Variants in TUSC3 observed in about 807,000 individuals in gnomAD.
The protein encoded by TUSC3 is dolichyl-diphosphooligosaccharide--protein glycosyltransferase subunit TUSC3.
TUSC3 carries 45 observed loss-of-function variants against 44.8 expected under a neutral mutation model. That is an observed-to-expected ratio of 1.00 (90% CI 0.79 to 1.29). The LOEUF is 1.29. Ranked by LOEUF, TUSC3 falls within the 50% of genes most tolerant of loss-of-function variation. The pLI, the probability that TUSC3 is intolerant of heterozygous loss-of-function variation, is 0.00. For missense variants in TUSC3, 519 were observed against 437.9 expected, an observed-to-expected ratio of 1.19 and a Z score of -1.65; for synonymous variants, 212 against 152.9, an observed-to-expected ratio of 1.39 and a Z score of -2.85.
intron 2 of TUSC3, among the ~76,000 whole-genome samples, chr8:15,506,297 C>T (rs1053646904): frequency 6.6e-6 from 1 of 152,182 alleles, no homozygotes; most frequent in Non-Finnish European, 1.5e-5. Flanking sequence ...AACTAAATCC[C>T]TCTTTACCAA....
At chr8:15,441,236 G>A (rs566847075) in intron 1 of TUSC3, among the ~76,000 whole-genome samples, 2 of 152,186 alleles carry the variant, frequency 1.3e-5, no homozygotes, top group South Asian at 2.1e-4. Flanking sequence ...ACGAAACCCC[G>A]TCTCTACTGA....
At chr8:15,694,747 G>C (rs1248052390) in intron 6 of TUSC3, among the ~76,000 whole-genome samples, 1 of 152,090 alleles carries the variant, frequency 6.6e-6, no homozygotes, top group Non-Finnish European at 1.5e-5. Context: ...AACTCTGGGG[G>C]GCTGGTTTCA....
intron 1 of TUSC3, among the ~76,000 whole-genome samples, chr8:15,562,618 A>G (rs1264400904): frequency 6.6e-6 from 1 of 151,988 alleles, no homozygotes; most frequent in Non-Finnish European, 1.5e-5. Flanking sequence ...TCTTTTCTGA[A>G]TCTCTGGGTC....
At chr8:15,474,423 G>A (rs1224801128) in intron 1 of TUSC3, among the ~76,000 whole-genome samples, 2 of 152,128 alleles carry the variant, frequency 1.3e-5, no homozygotes, top group Non-Finnish European at 2.9e-5. Flanking sequence ...TTTGGAAACT[G>A]GTGAATGTCC....
At chr8:15,755,204 A>G (rs1389333973) in intron 9 of TUSC3, among the ~76,000 whole-genome samples, 1 of 152,110 alleles carries the variant, frequency 6.6e-6, no homozygotes, top group Non-Finnish European at 1.5e-5. Context: ...TGGGCAAGTT[A>G]CTTAACTTTT....
intron 2 of TUSC3, among the ~76,000 whole-genome samples, chr8:15,649,728 C>T (rs957363122): frequency 5.3e-5 from 8 of 151,916 alleles, no homozygotes; most frequent in African/African-American, 1.9e-4. Flanking sequence ...GTCTAACTTC[C>T]TCTCAAAACT....
intron 6 of TUSC3, among the ~76,000 whole-genome samples, chr8:15,702,669 G>A (rs1488870177): frequency 2.6e-5 from 4 of 152,000 alleles, no homozygotes; most frequent in Non-Finnish European, 1.5e-5. Context: ...TACCTGCAGC[G>A]TTCAAGTTGA....
chr8:15,483,998 T>G, intron 2 of TUSC3, among the ~76,000 whole-genome samples: 1 of 152,152 alleles, frequency 6.6e-6, no homozygotes, highest in Admixed American at 6.5e-5. Flanking sequence ...CTATAAATGT[T>G]GAGGTAATTG....
chr8:15,581,861 C>A lies in TUSC3; in HGVS notation c.139-41219C>A, dbSNP rs538273415. 8.7e-5 allele frequency among the ~76,000 whole-genome samples: 8 copies of A among 92,308 alleles called. 1 individual carries two copies. The South Asian group carries it at 2.0e-3, about 23-fold the overall frequency. 60.6% of individuals were successfully genotyped at this position (92,308 alleles called of 152,430 possible). A position where few individuals can be genotyped will look rare whatever the true frequency, so the allele number is the denominator to read the frequency against. ...TGGGCTCCACCCAGTTGGAGCTTCC[C>A]GTTTACCTAATCAAGCCTGGGCAAT... On this transcript the variant is annotated intron_variant, in intron 1 of 10. Transcript: ENST00000503731.
At chr8:15,652,745 A>G (rs572064374) in intron 3 of TUSC3, among the ~76,000 whole-genome samples, 6 of 152,164 alleles carry the variant, frequency 3.9e-5, no homozygotes, top group African/African-American at 9.7e-5. Flanking sequence ...GTGCTATTCA[A>G]TGTATACTTG....
chr8:15,827,266 T>C, the TUSC3 span, among the ~76,000 whole-genome samples: 1 of 152,198 alleles, frequency 6.6e-6, no homozygotes, highest in Non-Finnish European at 1.5e-5. Flanking sequence ...TTCTAACTCA[T>C]GTAAGACTGA....
chr8:15,788,852 C>T, the TUSC3 span, among the ~76,000 whole-genome samples: 9 of 152,052 alleles, frequency 5.9e-5, no homozygotes, highest in African/African-American at 1.2e-4. Context: ...GTAATGAGGG[C>T]GAGGGGCTTG....
chr8:15,660,611 C>T (rs1807378379), intron 4 of TUSC3, among the ~76,000 whole-genome samples: 1 of 151,876 alleles, frequency 6.6e-6, no homozygotes, highest in Non-Finnish European at 1.5e-5. Context: ...GATATAAACA[C>T]ATTTGTTCTG....
chr8:15,523,690 G>GTATATATATATA (rs1327611283), intron 2 of TUSC3, among the ~76,000 whole-genome samples: 29 of 50,964 alleles, frequency 5.7e-4, no homozygotes, highest in Middle Eastern at 0.012. Context: ...GTGTGTGTGT[G>GTATATATATATA]TGTGTGTGTG....
chr8:15,565,712 T>A (rs1318602841), intron 1 of TUSC3, among the ~76,000 whole-genome samples: 1 of 152,020 alleles, frequency 6.6e-6, no homozygotes, highest in Non-Finnish European at 1.5e-5. Context: ...ATGCAGTGGT[T>A]TCTGTTTTCC....
chr8:15,781,094 T>C, the TUSC3 span, among the ~76,000 whole-genome samples: 6 of 152,340 alleles, frequency 3.9e-5, no homozygotes, highest in Admixed American at 1.3e-4. Context: ...TAGCACTTCC[T>C]GAGTGTTCTT....
chr8:15,697,664 C>A (rs998075262), intron 6 of TUSC3, among the ~76,000 whole-genome samples: 3 of 152,128 alleles, frequency 2.0e-5, no homozygotes, highest in Non-Finnish European at 4.4e-5. Flanking sequence ...AGAAAATGAC[C>A]AGACCTAATG....
intron 1 of TUSC3, 133 bp downstream of exon 1, chr8:15,540,701 C>A: frequency 1.6e-6 from 2 of 1,278,286 alleles, no homozygotes; most frequent in East Asian, 2.9e-5. Context: ...GGGCGGGAGC[C>A]GCGAGGGTGG....
chr8:15,847,622 C>T, the TUSC3 span, among the ~76,000 whole-genome samples: 1 of 152,096 alleles, frequency 6.6e-6, no homozygotes, highest in African/African-American at 2.4e-5. Context: ...TTAAAAAGCT[C>T]TTGTTTGGAA....
Sources: allele counts gnomAD v4.1 joint callset (sites outside exome capture counted in the v4.1 genomes callset), GRCh38; gene constraint gnomAD v4.1.1; transcripts MANE v1.5; gene names NCBI Gene and HGNC (gene_info 2026-07-23, HGNC 2026-07-21).